CFAP100: variants seen among roughly 807,000 people sequenced by gnomAD.
CFAP100 encodes cilia- and flagella-associated protein 100.
Under a neutral mutation model 81.5 loss-of-function variants are expected in CFAP100, and 70 were observed. The ratio of observed to expected loss-of-function variants is 0.86; its 90% CI spans 0.71 to 1.05. The LOEUF (loss-of-function observed/expected upper bound fraction) is 1.05. Among genes scored for constraint, CFAP100 ranks in the 50% least tolerant of loss-of-function variants. The probability of loss-of-function intolerance (pLI) is 0.00; values close to 1 mark genes in which losing one functional copy is unlikely to be tolerated. For missense variants in CFAP100, 811 were observed against 776.5 expected, an observed-to-expected ratio of 1.04 and a Z score of -0.53; for synonymous variants, 341 against 314.8, an observed-to-expected ratio of 1.08 and a Z score of -0.88.
At chr3:126,419,864 G>A (rs2107607683) in intron 9 of CFAP100, 46 bp downstream of exon 9, 2 of 1,610,198 alleles carry the variant, frequency 1.2e-6, no homozygotes, top group East Asian at 2.2e-5. Flanking sequence ...TCTGCCAGTG[G>A]CCCACTGCGA....
intron 3 of CFAP100, among the ~76,000 whole-genome samples, chr3:126,413,828 A>T (rs1249595294): frequency 6.6e-6 from 1 of 152,220 alleles, no homozygotes; most frequent in Non-Finnish European, 1.5e-5. Context: ...CAGACGTGTG[A>T]GACAAGGCTG....
chr3:126,403,993 CAAAT>C lies in CFAP100; in HGVS notation c.50-3176_50-3173del, dbSNP rs1296378203. On this transcript the variant is annotated intron_variant, in intron 2 of 16. Coordinates refer to ENST00000352312, the MANE Select transcript of CFAP100 (RefSeq NM_182628.3). ...GGAGAATTATTTTCAGCAGCTCTGACAAATAAGCCAGTGTCCATCAATATAATAG... is the reference window on the plus strand; with the variant it reads ...GGAGAATTATTTTCAGCAGCTCTGACAAGCCAGTGTCCATCAATATAATAG... Among the ~76,000 whole-genome samples the C allele has an allele frequency of 5.3e-5, 8 of 152,270 alleles. No individual in the cohort carries two copies. The South Asian group carries it at 1.4e-3, about 28-fold the overall frequency.
intron 11 of CFAP100, among the ~76,000 whole-genome samples, chr3:126,422,552 G>A (rs968360423): frequency 6.6e-6 from 1 of 152,236 alleles, no homozygotes; most frequent in Non-Finnish European, 1.5e-5. Flanking sequence ...GAGCAGGCTG[G>A]GAGGGCAGGT....
rs747406810 is a variant in CFAP100, at chr3:126,420,231, T to C, written c.1082+2T>C. 1 of 1,610,742 alleles carries C rather than the reference T, an allele frequency of 6.2e-7. No homozygotes were observed. Among genetic ancestry groups the C allele is most frequent in the South Asian group, 1.1e-5 (1 of 90,990 alleles). The stretch of plus-strand genomic sequence containing the variant: ...GTCCAGCGGTGGCGACTCCAGAGGG[T>C]GAGTGGGCTCGGGTGGTTGGGAGGG... On this transcript the variant is annotated splice_donor_variant, in intron 11 of 16. Coordinates refer to ENST00000352312, the MANE Select transcript of CFAP100 (RefSeq NM_182628.3). LOFTEE classifies it high-confidence loss of function.
intron 11 of CFAP100, chr3:126,420,517 C>A: frequency 2.2e-6 from 1 of 453,208 alleles, no homozygotes; most frequent in Admixed American, 3.9e-5. Context: ...TGGACAAAGG[C>A]CTGCCCCTGG....
In CFAP100 at chr3:126,420,057, C is replaced by A. The variant is rs751505171; in HGVS notation, c.955+36C>A. 5.0e-6 allele frequency: 8 copies of A among 1,613,152 alleles called. No homozygotes were observed. In the Admixed American group the frequency reaches 8.3e-5, roughly 17 times the overall value. On this transcript the variant is annotated intron_variant, in intron 10 of 16. Transcript: ENST00000352312. ...GCCCCCAGCCTGAGGAGGAGCCTGG[C>A]TCTGCCCTGCACAGGGCTCGGAAAC...
At chr3:126,414,228 C>A in intron 4 of CFAP100, 49 bp downstream of exon 4, 1 of 1,368,368 alleles carries the variant, frequency 7.3e-7, no homozygotes, top group Non-Finnish European at 1.0e-6. Flanking sequence ...TCCCTGCTCC[C>A]ACTGCTTCCT....
At chr3:126,430,575 A>G (rs910817799) in intron 13 of CFAP100, among the ~76,000 whole-genome samples, 5 of 152,024 alleles carry the variant, frequency 3.3e-5, no homozygotes, top group Non-Finnish European at 5.9e-5. Flanking sequence ...GTTTCAGTTG[A>G]TGATGTCTGT....
At chr3:126,428,097 A>C (rs1450444036) in intron 13 of CFAP100, among the ~76,000 whole-genome samples, 1 of 152,226 alleles carries the variant, frequency 6.6e-6, no homozygotes, top group Non-Finnish European at 1.5e-5. Flanking sequence ...ATTGAACATG[A>C]GATTTGGGCA....
intron 16 of CFAP100, 37 bp downstream of exon 16, chr3:126,435,689 G>T: frequency 6.4e-7 from 1 of 1,557,024 alleles, no homozygotes; most frequent in South Asian, 1.1e-5. Flanking sequence ...CTGCTGGAGG[G>T]GGTCCCAAGA....
chr3:126,415,400 C>A (rs1336294318), intron 4 of CFAP100, among the ~76,000 whole-genome samples: 5 of 151,698 alleles, frequency 3.3e-5, no homozygotes, highest in African/African-American at 2.4e-5. Flanking sequence ...CCTCCCCCAC[C>A]CAGCATCCAC....
intron 2 of CFAP100, among the ~76,000 whole-genome samples, chr3:126,397,650 T>C (rs2082909240): frequency 6.6e-6 from 1 of 152,038 alleles, no homozygotes; most frequent in African/African-American, 2.4e-5. Context: ...AGAGCCAGGA[T>C]TGGCACCCAG....
intron 2 of CFAP100, among the ~76,000 whole-genome samples, chr3:126,397,978 G>A (rs1486919750): frequency 6.6e-6 from 1 of 152,242 alleles, no homozygotes; most frequent in African/African-American, 2.4e-5. Context: ...GGCGTGGTGT[G>A]TTCAAGGGAG....
Position 126,416,514 on chromosome 3 carries a change from T to A in CFAP100, c.418+6T>A. On this transcript the variant is annotated splice_donor_region_variant and intron_variant, in intron 5 of 16. Coordinates refer to ENST00000352312, the MANE Select transcript of CFAP100 (RefSeq NM_182628.3). ...GAAGCTCACCTTGACCAAAGGTGCGTCCCCTCCGGCGCGGGGGGACCTGGG... is the reference window on the plus strand; with the variant it reads ...GAAGCTCACCTTGACCAAAGGTGCGACCCCTCCGGCGCGGGGGGACCTGGG... The A allele has an allele frequency of 6.4e-7, 1 of 1,566,182 alleles. No individual in the cohort carries two copies. The highest frequency in any genetic ancestry group is 1.7e-4 in the Middle Eastern group (1 of 5,904).
chr3:126,411,660 G>A (rs1208600485), intron 3 of CFAP100, among the ~76,000 whole-genome samples: 1 of 151,954 alleles, frequency 6.6e-6, no homozygotes, highest in African/African-American at 2.4e-5. Flanking sequence ...GTGTTTCCAG[G>A]AATTTACCAG....
intron 13 of CFAP100, among the ~76,000 whole-genome samples, chr3:126,427,829 C>A (rs1270960192): frequency 2.6e-5 from 4 of 152,204 alleles, no homozygotes; most frequent in Non-Finnish European, 4.4e-5. Context: ...ATGATGCTGG[C>A]AGCTGCTCAG....
intron 11 of CFAP100, 131 bp downstream of exon 11, chr3:126,420,360 GGCCA>G: frequency 1.5e-6 from 2 of 1,322,188 alleles, no homozygotes; most frequent in Non-Finnish European, 2.0e-6. Context: ...CTCCAAGAAG[GGCCA>G]GACAGGGACG....
intron 2 of CFAP100, among the ~76,000 whole-genome samples, chr3:126,397,971 G>A (rs1381001706): frequency 2.6e-5 from 4 of 152,244 alleles, no homozygotes; most frequent in Non-Finnish European, 4.4e-5. Context: ...GGGAGTGGGC[G>A]TGGTGTGTTC....
intron 2 of CFAP100, among the ~76,000 whole-genome samples, chr3:126,400,727 G>A (rs1320753916): frequency 6.6e-6 from 1 of 152,098 alleles, no homozygotes; most frequent in Non-Finnish European, 1.5e-5. Context: ...ACTCCAGCCT[G>A]GGCGACAGAG....
Sources: gnomAD v4.1 joint callset for allele counts (sites outside exome capture counted in the v4.1 genomes callset) on GRCh38, gnomAD v4.1.1 for gene constraint, MANE v1.5 for transcripts, NCBI Gene and HGNC (gene_info 2026-07-23, HGNC 2026-07-21) for gene names.